The following NALF1 variants were observed in gnomAD, a reference collection of about 807,000 sequenced individuals.
NALF1 encodes the protein NALCN channel auxiliary factor 1, also known as family with sequence similarity 155 member A.
NALF1 carries 3 observed loss-of-function variants against 48.4 expected under a neutral mutation model. The ratio of observed to expected loss-of-function variants is 0.06; its 90% CI spans 0.03 to 0.16. NALF1 has a LOEUF of 0.16. Among genes scored for constraint, NALF1 ranks in the 10% least tolerant of loss-of-function variants. The probability of loss-of-function intolerance (pLI) is 1.00; values close to 1 mark genes in which losing one functional copy is unlikely to be tolerated. For missense variants in NALF1, 526 were observed against 571.5 expected, an observed-to-expected ratio of 0.92 and a Z score of 0.81; for synonymous variants, 262 against 245.7, an observed-to-expected ratio of 1.07 and a Z score of -0.62.
At chr13:107,727,987 A>G (rs936439917) in intron 1 of NALF1, among the ~76,000 whole-genome samples, 22 of 152,348 alleles carry the variant, frequency 1.4e-4, no homozygotes, top group African/African-American at 5.3e-4. Context: ...ACAATGAGAT[A>G]CCATCTCATG....
intron 1 of NALF1, among the ~76,000 whole-genome samples, chr13:107,521,950 C>A (rs1876256237): frequency 1.3e-5 from 2 of 151,862 alleles, no homozygotes; most frequent in Non-Finnish European, 2.9e-5. Flanking sequence ...CATACACACA[C>A]ACACACACAC....
intron 1 of NALF1, among the ~76,000 whole-genome samples, chr13:107,406,495 A>G (rs975217117): frequency 3.3e-5 from 5 of 152,002 alleles, no homozygotes; most frequent in Admixed American, 3.3e-4. Flanking sequence ...TAAAACACTG[A>G]TGCAATAAAT....
chr13:107,542,246 T>G (rs1378859083), intron 1 of NALF1, among the ~76,000 whole-genome samples: 1 of 152,112 alleles, frequency 6.6e-6, no homozygotes, highest in African/African-American at 2.4e-5. Flanking sequence ...CCACATATTA[T>G]ATGATTCCAT....
chr13:107,633,970 C>T (rs185834097), intron 1 of NALF1, among the ~76,000 whole-genome samples: 1 of 126,442 alleles, frequency 7.9e-6, no homozygotes, highest in South Asian at 2.7e-4. Flanking sequence ...TACATACATA[C>T]ATCCTGTTTT....
At chr13:107,190,187 T>C (rs889443842) in intron 2 of NALF1, among the ~76,000 whole-genome samples, 8 of 152,212 alleles carry the variant, frequency 5.3e-5, no homozygotes, top group African/African-American at 1.7e-4. Flanking sequence ...CAGGAAACTA[T>C]AGAAATAATT....
intron 1 of NALF1, among the ~76,000 whole-genome samples, chr13:107,231,930 A>G (rs1880234841): frequency 2.6e-5 from 4 of 152,206 alleles, no homozygotes; most frequent in Admixed American, 1.3e-4. Context: ...CAGCATTTTT[A>G]AGCACTTCTA....
At chr13:107,660,465 ACACACACACACACACACAC>A (rs1566434032) in intron 1 of NALF1, among the ~76,000 whole-genome samples, 2 of 123,074 alleles carry the variant, frequency 1.6e-5, no homozygotes, top group African/African-American at 7.7e-5. Context: ...ACACACACAC[ACACACACACACACACACAC>A]AACAAAGAAA....
intron 1 of NALF1, among the ~76,000 whole-genome samples, chr13:107,560,076 A>G (rs1164604511): frequency 6.6e-6 from 1 of 152,164 alleles, no homozygotes; most frequent in Non-Finnish European, 1.5e-5. Context: ...GAAATCACCA[A>G]GTTTTTTGGG....
intron 1 of NALF1, among the ~76,000 whole-genome samples, chr13:107,710,092 GC>G (rs937247895): frequency 6.6e-6 from 1 of 151,118 alleles, no homozygotes; most frequent in East Asian, 2.0e-4. Flanking sequence ...TCCAGCCTGG[GC>G]AAAAGAGTGA....
At chr13:107,308,246 G>A (rs1018731457) in intron 1 of NALF1, among the ~76,000 whole-genome samples, 1 of 131,912 alleles carries the variant, frequency 7.6e-6, no homozygotes, top group Non-Finnish European at 1.6e-5. Flanking sequence ...CTGTCGCCCA[G>A]GCTGGAGTCC....
intron 1 of NALF1, among the ~76,000 whole-genome samples, chr13:107,365,610 C>CAGGGAATGGTTACT (rs1883139359): frequency 6.6e-6 from 1 of 152,082 alleles, no homozygotes; most frequent in Non-Finnish European, 1.5e-5. Context: ...TCAACGGTTC[C>CAGGGAATGGTTACT]AGGGAATGGT....
Position 107,866,354 on chromosome 13 carries a change from C to T in NALF1, c.243G>A (p.Gln81=), listed in dbSNP as rs1880726216. 1.2e-6 allele frequency: 2 copies of T among 1,610,832 alleles called. No homozygotes were observed. Among genetic ancestry groups the T allele is most frequent in the Non-Finnish European group, 1.7e-6 (2 of 1,179,308 alleles). ...GCCGCTGCCTCTGCTGCTGCTGCTG[C>T]TGCTGCTGCTGCCGCTGCTGCTGCT... The part of the protein sequence containing the change: ...EHQQQQRQQQ[Q]QQQQQRQRQQ... Residue 81 remains glutamine, a synonymous_variant, in exon 1 of 3, where the codon CAG becomes CAA. Transcript: ENST00000375915. This position sits in a 1 kb window ranked among gnomAD's most constrained non-coding sequence, Gnocchi z 4.4.
chr13:107,753,723 C>T (rs1189776459), intron 1 of NALF1, among the ~76,000 whole-genome samples: 6 of 152,066 alleles, frequency 3.9e-5, no homozygotes, highest in African/African-American at 1.4e-4. Context: ...TGAAAGTAAA[C>T]TTTATAGGTA....
At chr13:107,751,315 T>C (rs567104680) in intron 1 of NALF1, among the ~76,000 whole-genome samples, 1 of 152,340 alleles carries the variant, frequency 6.6e-6, no homozygotes, top group East Asian at 1.9e-4. Flanking sequence ...TGGAAACCTT[T>C]CTGTGTTAAA....
chr13:107,242,496 A>G (rs1480822488), intron 1 of NALF1, among the ~76,000 whole-genome samples: 2 of 152,246 alleles, frequency 1.3e-5, no homozygotes, highest in Non-Finnish European at 2.9e-5. Context: ...ATTAAGTAGC[A>G]TGTTGGTTTT....
At chr13:107,596,482 T>C (rs777962004) in intron 1 of NALF1, among the ~76,000 whole-genome samples, 31 of 152,216 alleles carry the variant, frequency 2.0e-4, no homozygotes, top group Non-Finnish European at 3.7e-4. Context: ...CATGGAATGC[T>C]ATGTAGCCAC....
At chr13:107,210,438 G>T in intron 2 of NALF1, 146 bp downstream of exon 2, 1 of 609,252 alleles carries the variant, frequency 1.6e-6, no homozygotes, top group South Asian at 2.1e-5. Flanking sequence ...GGGAGCTTTC[G>T]GTGCTTCTAT....
intron 1 of NALF1, among the ~76,000 whole-genome samples, chr13:107,360,059 G>A (rs530409497): frequency 2.0e-5 from 3 of 152,274 alleles, no homozygotes; most frequent in Non-Finnish European, 4.4e-5. Flanking sequence ...GTGGCAACAT[G>A]CAAGAGACAA....
At chr13:107,487,631 A>C (rs1324630741) in intron 1 of NALF1, among the ~76,000 whole-genome samples, 1 of 152,176 alleles carries the variant, frequency 6.6e-6, no homozygotes, top group Non-Finnish European at 1.5e-5. Flanking sequence ...GATGAAGCCT[A>C]CTTGATCATG....
Sources: allele counts gnomAD v4.1 joint callset (sites outside exome capture counted in the v4.1 genomes callset), GRCh38; gene constraint gnomAD v4.1.1; non-coding constraint Gnocchi (gnomAD v3.1); transcripts MANE v1.5; gene names NCBI Gene and HGNC (gene_info 2026-07-23, HGNC 2026-07-21).